Variants in CACNG4 observed in about 807,000 individuals in gnomAD.
CACNG4 encodes calcium voltage-gated channel auxiliary subunit gamma 4.
A neutral mutation model predicts 22.9 loss-of-function variants in CACNG4; 8 were observed. The observed-to-expected ratio is 0.35, with a 90% CI of 0.21 to 0.63. The LOEUF (loss-of-function observed/expected upper bound fraction) is 0.63. Ranked by LOEUF, CACNG4 falls within the 30% of genes least tolerant of loss-of-function variation. CACNG4 has a pLI of 0.72. For missense variants in CACNG4, 357 were observed against 455.4 expected, an observed-to-expected ratio of 0.78 and a Z score of 1.97; for synonymous variants, 188 against 191.9, an observed-to-expected ratio of 0.98 and a Z score of 0.17.
Position 67,030,933 on chromosome 17 carries a change from G to A in CACNG4, c.913G>A (p.Asp305Asn), listed in dbSNP as rs776072571. ...GGAGGCCAGCTTCCTGCAGGTGCAT[G>A]ACTTTTTCCAGCAGGACCTGAAGGA... Reference protein sequence around the residue: ...DQEASFLQVHDFFQQDLKEGF... With the variant: ...DQEASFLQVHNFFQQDLKEGF... Residue 305 changes from aspartate to asparagine, a missense_variant, in exon 4 of 4, where the codon GAC becomes AAC. Around this residue, in one of 3 missense-constraint regions of CACNG4, gnomAD observed 240 missense variants for 277.6 expected, o/e 0.86. Transcript: ENST00000262138. The surrounding 1 kb of genome is among the most constrained non-coding windows in gnomAD (Gnocchi z 6.4). 1 of 1,613,606 alleles carries A rather than the reference G, an allele frequency of 6.2e-7. No individual in the cohort carries two copies. The highest frequency in any genetic ancestry group is 1.7e-5 in the Admixed American group (1 of 60,022).
chr17:66,965,972 C>T (rs908608390), intron 1 of CACNG4, among the ~76,000 whole-genome samples: 11 of 152,110 alleles, frequency 7.2e-5, no homozygotes, highest in African/African-American at 2.7e-4. Context: ...GACCGATCTG[C>T]GGACCGGGAA....
intron 1 of CACNG4, among the ~76,000 whole-genome samples, chr17:66,968,508 TCCCCTACCCTCCTCCTCTG>T (rs2035184037): frequency 2.1e-5 from 1 of 48,000 alleles, no homozygotes; most frequent in Admixed American, 3.1e-4. Context: ...CTCCCTCCTC[TCCCCTACCCTCCTCCTCTG>T]CCTCCTCTCC....
Position 66,985,181 on chromosome 17 carries a change from C to T in CACNG4, c.220+20050C>T, listed in dbSNP as rs60217051. ...GCCTTATCTGTTTCCAACTCCCTAC[C>T]TGCATTTTCTTAGTCTCTATTCAAA... On this transcript the variant is annotated intron_variant, in intron 1 of 3. Coordinates refer to ENST00000262138, the MANE Select transcript of CACNG4 (RefSeq NM_014405.4). Among the ~76,000 whole-genome samples the T allele has an allele frequency of 5.5e-3, 832 of 152,310 alleles. 7 individuals are homozygous for T. The highest frequency in any genetic ancestry group is 0.019 in the African/African-American group (806 of 41,556).
chr17:66,971,814 G>A (rs940170564), intron 1 of CACNG4, among the ~76,000 whole-genome samples: 5 of 152,178 alleles, frequency 3.3e-5, no homozygotes, highest in Non-Finnish European at 7.3e-5. Context: ...GGCTGGGGAG[G>A]CTCTGAGGTC....
rs1598129020 is a variant in CACNG4, at chr17:67,030,363, G to C, written c.446-103G>C. ...AGAATAAAGAAATACTCATCAGAGA[G>C]GGGAGTGTCCACCTGTTCCCTACAC... is the stretch of plus-strand genomic sequence containing the variant. On this transcript the variant is annotated intron_variant, in intron 3 of 3. Coordinates refer to ENST00000262138, the MANE Select transcript of CACNG4 (RefSeq NM_014405.4). The surrounding 1 kb of genome is among the most constrained non-coding windows in gnomAD (Gnocchi z 6.4). The C allele has an allele frequency of 3.3e-6, 3 of 905,034 alleles. No individual in the cohort carries two copies. The Admixed American group carries it at 6.8e-5, about 20-fold the overall frequency. 56.1% of individuals were successfully genotyped at this position (905,034 alleles called of 1,614,324 possible).
chr17:67,030,504 A>G lies in CACNG4; in HGVS notation c.484A>G (p.Ser162Gly). The G allele has an allele frequency of 6.2e-7, 1 of 1,614,108 alleles. No homozygotes were observed. The highest frequency in any genetic ancestry group is 8.5e-7 in the Non-Finnish European group (1 of 1,180,020). ...CATCGGTATCATCGTCTACATTTCC[A>G]GCAACACAGGTGACCCGAGTGACAA... ...NIIGIIVYISSNTGDPSDKRD... is the reference protein window; with the variant it reads ...NIIGIIVYISGNTGDPSDKRD... The change falls in exon 4 of 4, where the codon AGC becomes GGC. Residue 162 changes from serine (S) to glycine (G), a missense_variant. Coordinates refer to ENST00000262138, the MANE Select transcript of CACNG4 (RefSeq NM_014405.4). The surrounding 1 kb of genome is among the most constrained non-coding windows in gnomAD (Gnocchi z 6.4).
chr17:67,014,138 G>A (rs979924030), intron 1 of CACNG4, among the ~76,000 whole-genome samples: 7 of 152,130 alleles, frequency 4.6e-5, no homozygotes, highest in Admixed American at 2.6e-4. Flanking sequence ...TCCACCTCGC[G>A]ACCTCAGCAT....
At chr17:66,974,374 A>T (rs2035223162) in intron 1 of CACNG4, among the ~76,000 whole-genome samples, 1 of 152,216 alleles carries the variant, frequency 6.6e-6, no homozygotes, top group Admixed American at 6.5e-5. Context: ...TTCGAGGGAC[A>T]TTCTGTTAAA....
chr17:67,016,765 G>C (rs1413708606), intron 1 of CACNG4, among the ~76,000 whole-genome samples: 1 of 152,178 alleles, frequency 6.6e-6, no homozygotes, highest in Admixed American at 6.5e-5. Flanking sequence ...AACACCCTGT[G>C]CCCCTGGCAA....
intron 1 of CACNG4, among the ~76,000 whole-genome samples, chr17:66,991,168 A>C (rs2035338207): frequency 6.6e-6 from 1 of 151,920 alleles, no homozygotes; most frequent in South Asian, 2.1e-4. Context: ...GGTGGAAGGC[A>C]CCTGGTCCTG....
chr17:66,986,530 C>A (rs1028076980), intron 1 of CACNG4, among the ~76,000 whole-genome samples: 5 of 152,148 alleles, frequency 3.3e-5, no homozygotes, highest in Admixed American at 1.3e-4. Flanking sequence ...AGGGTGATGT[C>A]ACTGAGCAAG....
chr17:67,005,924 G>A (rs752102801), intron 1 of CACNG4, among the ~76,000 whole-genome samples: 14 of 152,268 alleles, frequency 9.2e-5, no homozygotes, highest in South Asian at 2.1e-4. Context: ...TGCAGCTCAC[G>A]GCCCAGCATT....
rs1598102764 is a variant in CACNG4 at position 66,977,065 on chromosome 17, GCCCA to G, written c.220+11936_220+11939del. 3.9e-5 allele frequency among the ~76,000 whole-genome samples: 6 copies of G among 152,020 alleles called. No individual in the cohort carries two copies. The East Asian group carries it at 1.2e-3, about 29-fold the overall frequency. ...CCTATGGGCTCCACCTCCGACACAC[GCCCA>G]CTGCCTTCCTTCCCTCCACCTCTCT... is the stretch of plus-strand genomic sequence containing the variant. On this transcript the variant is annotated intron_variant, in intron 1 of 3. Coordinates refer to ENST00000262138, the MANE Select transcript of CACNG4 (RefSeq NM_014405.4).
At chr17:66,965,833 C>T (rs562992785) in intron 1 of CACNG4, among the ~76,000 whole-genome samples, 1 of 152,134 alleles carries the variant, frequency 6.6e-6, no homozygotes, top group Non-Finnish European at 1.5e-5. Context: ...GTCACCGGCC[C>T]GCTCCTCGCT....
At chr17:66,970,183 A>G (rs995509272) in intron 1 of CACNG4, among the ~76,000 whole-genome samples, 1 of 152,200 alleles carries the variant, frequency 6.6e-6, no homozygotes, top group Non-Finnish European at 1.5e-5. Flanking sequence ...ACAGCTCCTG[A>G]GTATTGCATC....
At chr17:67,013,887 T>C (rs925256989) in intron 1 of CACNG4, among the ~76,000 whole-genome samples, 11 of 152,138 alleles carry the variant, frequency 7.2e-5, no homozygotes, top group East Asian at 3.8e-4. Context: ...CAGACGAGCC[T>C]GTACCTGCTC....
intron 1 of CACNG4, among the ~76,000 whole-genome samples, chr17:66,997,798 T>C (rs768573426): frequency 6.6e-6 from 1 of 151,774 alleles, no homozygotes; most frequent in Non-Finnish European, 1.5e-5. Context: ...GCCTGGGCAA[T>C]GGGAGTGAGA....
At chr17:67,005,137 G>T (rs1283607779) in intron 1 of CACNG4, among the ~76,000 whole-genome samples, 1 of 152,204 alleles carries the variant, frequency 6.6e-6, no homozygotes, top group Non-Finnish European at 1.5e-5. Context: ...TGGCATCCTG[G>T]ACCACTCAAG....
chr17:67,007,090 G>A lies in CACNG4; in HGVS notation c.221-11099G>A, dbSNP rs185529381. On this transcript the variant is annotated intron_variant, in intron 1 of 3. Transcript: ENST00000262138. ...CTCAGGAGGCTGAGGCATGAGAATC[G>A]CTTGAACCCAGGAGGCAGAGGTTGC... Among the ~76,000 whole-genome samples, 94 of 152,204 alleles carry A rather than the reference G, an allele frequency of 6.2e-4. 3 individuals carry two copies. In the East Asian group the frequency reaches 0.015, roughly 25 times the overall value.
Sources: gnomAD v4.1 joint callset for allele counts (sites outside exome capture counted in the v4.1 genomes callset) on GRCh38, gnomAD v4.1.1 for gene constraint, gnomAD v4.1.1 regional missense constraint, Gnocchi (gnomAD v3.1) non-coding constraint, MANE v1.5 for transcripts, NCBI Gene and HGNC (gene_info 2026-07-23, HGNC 2026-07-21) for gene names.